The following CACNA2D3 variants were observed in gnomAD, a reference collection of about 807,000 sequenced individuals.
CACNA2D3 encodes the protein calcium voltage-gated channel auxiliary subunit alpha2delta 3, also known as voltage-dependent calcium channel subunit alpha-2/delta-3.
In CACNA2D3, 60 loss-of-function variants were observed where a neutral mutation model predicts 160.6. The ratio of observed to expected loss-of-function variants is 0.37; its 90% confidence interval spans 0.30 to 0.46. The LOEUF is 0.46. CACNA2D3 is among the 20% of genes least tolerant of loss of function. The probability of loss-of-function intolerance (pLI) is 1.00; values close to 1 mark genes in which losing one functional copy is unlikely to be tolerated. For synonymous variants in CACNA2D3, 558 were observed against 492.9 expected, an observed-to-expected ratio of 1.13 and a Z score of -1.75; for missense variants, 1,205 against 1,365.0, an observed-to-expected ratio of 0.88 and a Z score of 1.85.
At chr3:55,055,207 C>G (rs1012503045) in intron 35 of CACNA2D3, among the ~76,000 whole-genome samples, 6 of 152,108 alleles carry the variant, frequency 3.9e-5, no homozygotes, top group African/African-American at 1.4e-4. Flanking sequence ...ACATGTAAGT[C>G]TTTAATCTAT....
At chr3:54,770,793 A>G (rs1195612458) in intron 13 of CACNA2D3, among the ~76,000 whole-genome samples, 2 of 152,216 alleles carry the variant, frequency 1.3e-5, no homozygotes, top group South Asian at 2.1e-4. Context: ...TCATAATTGT[A>G]TAAATGAATT....
chr3:54,132,063 G>A (rs936169875), intron 2 of CACNA2D3, among the ~76,000 whole-genome samples: 2 of 152,180 alleles, frequency 1.3e-5, no homozygotes, highest in East Asian at 1.9e-4. Context: ...CCAGCTTTAC[G>A]CTCAGCCTCC....
At chr3:54,412,610 C>CTTTTTTTTTTTTTTTTTTTTTTTT (rs774491527) in intron 4 of CACNA2D3, among the ~76,000 whole-genome samples, 4 of 120,618 alleles carry the variant, frequency 3.3e-5, no homozygotes, top group Non-Finnish European at 3.5e-5. Flanking sequence ...TGGTCTTGTT[C>CTTTTTTTTTTTTTTTTTTTTTTTT]TTTTTTTTTT....
At chr3:54,178,046 C>G (rs1700708818) in intron 2 of CACNA2D3, 1 of 152,084 alleles carries the variant, frequency 6.6e-6, no homozygotes, top group Admixed American at 6.6e-5. Context: ...ACTCCAGTTT[C>G]CATAGAGATG....
At chr3:54,880,893 T>A in intron 21 of CACNA2D3, 30 bp downstream of exon 21, 2 of 1,600,660 alleles carry the variant, frequency 1.2e-6, no homozygotes, top group Non-Finnish European at 1.7e-6. Flanking sequence ...GTCTTATCCT[T>A]TGGTGTGGGA....
At chr3:54,626,887 A>G (rs1699128413) in intron 9 of CACNA2D3, among the ~76,000 whole-genome samples, 1 of 152,054 alleles carries the variant, frequency 6.6e-6, no homozygotes, top group Non-Finnish European at 1.5e-5. Flanking sequence ...TTTGTTGGGA[A>G]GCAGAAACGT....
At chr3:54,273,312 A>G (rs1702659638) in intron 2 of CACNA2D3, 1 of 152,248 alleles carries the variant, frequency 6.6e-6, no homozygotes, top group Non-Finnish European at 1.5e-5. Context: ...TCGGCTGTTC[A>G]GAAGTGGGAA....
intron 2 of CACNA2D3, among the ~76,000 whole-genome samples, chr3:54,293,959 G>T (rs1383556532): frequency 7.2e-5 from 11 of 152,144 alleles, no homozygotes; most frequent in Admixed American, 3.3e-4. Context: ...TGCATGCTTG[G>T]GGGTAGTGGA....
At chr3:54,565,278 G>T (rs1285546353) in intron 6 of CACNA2D3, among the ~76,000 whole-genome samples, 1 of 152,148 alleles carries the variant, frequency 6.6e-6, no homozygotes, top group Non-Finnish European at 1.5e-5. Flanking sequence ...CATCATCATG[G>T]TACAGTGCGT....
At chr3:55,004,879 C>A (rs373759629) in intron 32 of CACNA2D3, 41 bp downstream of exon 32, 257 of 1,360,606 alleles carry the variant, frequency 1.9e-4, no homozygotes, top group Non-Finnish European at 2.5e-4. Context: ...CCACACATTT[C>A]TGTCTTTCTC....
chr3:54,879,001 T>G lies in CACNA2D3; in HGVS notation c.1711-17T>G, dbSNP rs774333138. On this transcript the variant is annotated splice_polypyrimidine_tract_variant and intron_variant, in intron 18 of 37. Transcript: ENST00000474759. ...AACCCAGGGAAGAACTAACACACTTTTCTTTTATCATTTTAGTTGAGAAAT... is the reference window on the plus strand; with the variant it reads ...AACCCAGGGAAGAACTAACACACTTGTCTTTTATCATTTTAGTTGAGAAAT... The G allele has an allele frequency of 1.3e-6, 2 of 1,558,346 alleles. No individual in the cohort carries two copies. Among genetic ancestry groups the G allele is most frequent in the Non-Finnish European group, 1.7e-6 (2 of 1,143,150 alleles).
intron 34 of CACNA2D3, among the ~76,000 whole-genome samples, chr3:55,017,722 C>G (rs1703357620): frequency 6.6e-6 from 1 of 152,168 alleles, no homozygotes; most frequent in African/African-American, 2.4e-5. Context: ...CAGAGAGCTT[C>G]ATAATAGTAG....
chr3:54,243,735 A>G (rs1003802489), intron 2 of CACNA2D3, among the ~76,000 whole-genome samples: 1 of 152,180 alleles, frequency 6.6e-6, no homozygotes, highest in Admixed American at 6.5e-5. Context: ...CCAGACTTCA[A>G]ACAACTGGGC....
At chr3:54,838,675 C>G (rs769289171) in intron 16 of CACNA2D3, 27 bp downstream of exon 16, 2 of 1,511,038 alleles carry the variant, frequency 1.3e-6, no homozygotes, top group East Asian at 2.3e-5. Flanking sequence ...TCCCTGAAAT[C>G]AAAGCAACAG....
intron 2 of CACNA2D3, among the ~76,000 whole-genome samples, chr3:54,149,547 C>T (rs1700100937): frequency 6.6e-6 from 1 of 152,066 alleles, no homozygotes; most frequent in Non-Finnish European, 1.5e-5. Context: ...GTTGGCATGT[C>T]CCCTTGGCCC....
intron 2 of CACNA2D3, among the ~76,000 whole-genome samples, chr3:54,255,825 A>AT (rs1163037748): frequency 1.4e-4 from 22 of 152,222 alleles, no homozygotes; most frequent in Middle Eastern, 3.4e-3. Context: ...ATCATCTCAA[A>AT]TGTCTTCCAG....
chr3:54,631,164 A>G (rs1480440969), intron 10 of CACNA2D3, among the ~76,000 whole-genome samples: 2 of 151,536 alleles, frequency 1.3e-5, no homozygotes, highest in East Asian at 3.9e-4. Flanking sequence ...AGATTGCACC[A>G]CTGCACTTCA....
intron 4 of CACNA2D3, among the ~76,000 whole-genome samples, chr3:54,490,141 G>T (rs1291277080): frequency 6.6e-6 from 1 of 152,196 alleles, no homozygotes; most frequent in Non-Finnish European, 1.5e-5. Flanking sequence ...GAGCTGGGAA[G>T]AAGAAAACAA....
intron 3 of CACNA2D3, among the ~76,000 whole-genome samples, chr3:54,326,022 GT>G (rs1380538178): frequency 7.2e-5 from 11 of 152,150 alleles, no homozygotes; most frequent in African/African-American, 2.4e-4. Context: ...GTTACCTGCT[GT>G]TCATTGTGGA....
Sources: allele counts gnomAD v4.1 joint callset (sites outside exome capture counted in the v4.1 genomes callset), GRCh38; gene constraint gnomAD v4.1.1; transcripts MANE v1.5; gene names NCBI Gene and HGNC (gene_info 2026-07-23, HGNC 2026-07-21).